ADGRB3: variants seen among roughly 807,000 people sequenced by gnomAD.
The protein encoded by ADGRB3 is adhesion G protein-coupled receptor B3.
In ADGRB3, 37 loss-of-function variants were observed where a neutral mutation model predicts 193.4. That is an observed-to-expected ratio of 0.19 (90% CI 0.15 to 0.25). The LOEUF (loss-of-function observed/expected upper bound fraction) is 0.25, where lower values mean the gene tolerates loss of function less well. ADGRB3 is among the 10% of genes least tolerant of loss of function. ADGRB3 has a pLI of 1.00. For missense variants in ADGRB3, 1,637 were observed against 1,852.9 expected (o/e 0.88, Z 2.14); for synonymous variants, 690 against 644.2 (o/e 1.07, Z -1.08).
At chr6:68,855,135 T>C (rs1764942385) in intron 3 of ADGRB3, among the ~76,000 whole-genome samples, 1 of 152,216 alleles carries the variant, frequency 6.6e-6, no homozygotes, top group African/African-American at 2.4e-5. Context: ...ATTGTCCCTT[T>C]ATGAAAATCA....
intron 3 of ADGRB3, among the ~76,000 whole-genome samples, chr6:68,772,894 A>AAATATATATAT (rs1466813173): frequency 1.7e-4 from 4 of 22,868 alleles, no homozygotes; most frequent in African/African-American, 3.9e-4. Flanking sequence ...AAAAAAAAAA[A>AAATATATATAT]ATATATATAT....
Position 69,361,079 on chromosome 6 carries a change from G to A in ADGRB3, c.3806G>A (p.Cys1269Tyr), listed in dbSNP as rs1476516711. ...PMSMNELSNP[C>Y]LKKENSELRR... ...AGTATGAATGAGCTTAGCAATCCAT[G>A]TTTGAAAAAAGAAAATAGTGAATTG... The change falls in exon 29 of 32, where the codon TGT becomes TAT. Residue 1269 changes from cysteine (C) to tyrosine (Y), a missense_variant. By Grantham distance (194) the Cys-to-Tyr change is radical. Around this residue, in one of 7 missense-constraint regions of ADGRB3, gnomAD observed 368 missense variants for 367.4 expected, o/e 1.00. Transcript: ENST00000370598. 1 of 1,612,744 alleles carries A rather than the reference G, an allele frequency of 6.2e-7. No individual in the cohort carries two copies.
intron 17 of ADGRB3, among the ~76,000 whole-genome samples, chr6:69,182,515 T>C (rs1775614019): frequency 6.6e-6 from 1 of 152,094 alleles, no homozygotes; most frequent in Admixed American, 6.5e-5. Flanking sequence ...TGAGTTGTCA[T>C]TCAGTGATGG....
At chr6:69,192,348 T>A (rs1247129776) in intron 17 of ADGRB3, among the ~76,000 whole-genome samples, 1 of 152,170 alleles carries the variant, frequency 6.6e-6, no homozygotes, top group African/African-American at 2.4e-5. Context: ...TAAACCAGTC[T>A]AGTCTTTCCC....
intron 17 of ADGRB3, among the ~76,000 whole-genome samples, chr6:69,097,976 G>A (rs1347272159): frequency 1.3e-5 from 2 of 152,056 alleles, no homozygotes; most frequent in Non-Finnish European, 2.9e-5. Context: ...TTACACAAGT[G>A]GATTTAGATA....
At chr6:68,840,872 T>G (rs492229) in intron 3 of ADGRB3, among the ~76,000 whole-genome samples, 32,024 of 152,076 alleles carry the variant, frequency 0.21, 3,953 homozygotes, top group East Asian at 0.58. Context: ...ACTACACCTG[T>G]AATTAAACAC....
chr6:69,169,912 T>A (rs1158407380), intron 17 of ADGRB3, among the ~76,000 whole-genome samples: 1 of 151,460 alleles, frequency 6.6e-6, no homozygotes, highest in Non-Finnish European at 1.5e-5. Flanking sequence ...TCCTTGGCTA[T>A]CTAAGTGCAG....
At chr6:68,954,898 GTCTCGA>G (rs1397574939) in intron 6 of ADGRB3, among the ~76,000 whole-genome samples, 1 of 151,946 alleles carries the variant, frequency 6.6e-6, no homozygotes. Flanking sequence ...AGCCAGAATG[GTCTCGA>G]TCTCCTGACC....
At chr6:69,355,005 TA>T (rs1769309173) in intron 27 of ADGRB3, among the ~76,000 whole-genome samples, 1 of 152,200 alleles carries the variant, frequency 6.6e-6, no homozygotes. Context: ...AATTTATTAT[TA>T]ACTTTTTTGA....
intron 13 of ADGRB3, among the ~76,000 whole-genome samples, chr6:69,028,338 T>C (rs1173403785): frequency 2.0e-5 from 3 of 152,190 alleles, no homozygotes; most frequent in Non-Finnish European, 4.4e-5. Flanking sequence ...TCGGTTTTTT[T>C]GTTTGTTTGT....
At chr6:68,976,610 C>G (rs1269270762) in intron 10 of ADGRB3, among the ~76,000 whole-genome samples, 2 of 151,950 alleles carry the variant, frequency 1.3e-5, no homozygotes, top group Admixed American at 6.6e-5. Context: ...ATATTTTGTA[C>G]TGTATTTTTA....
chr6:68,976,491 T>C (rs1768753069), intron 10 of ADGRB3, among the ~76,000 whole-genome samples: 1 of 152,178 alleles, frequency 6.6e-6, no homozygotes, highest in South Asian at 2.1e-4. Context: ...CGAAAATCCA[T>C]ATGTAACTTT....
intron 3 of ADGRB3, among the ~76,000 whole-genome samples, chr6:68,875,744 A>G (rs1765578933): frequency 6.6e-6 from 1 of 152,148 alleles, no homozygotes. Flanking sequence ...AAAAAATAAA[A>G]ACAAATGACC....
chr6:69,277,500 C>A lies in ADGRB3; in HGVS notation c.2814+38274C>A, dbSNP rs113479051. On this transcript the variant is annotated intron_variant, in intron 20 of 31. Coordinates refer to ENST00000370598, the MANE Select transcript of ADGRB3 (RefSeq NM_001704.3). ...ATAAAGTCACCAGGGAGTTGGCACA[C>A]CCTAAGGAGATCCCATCGATTTGTA... is the stretch of plus-strand genomic sequence containing the variant. 1.9e-3 allele frequency among the ~76,000 whole-genome samples: 283 copies of A among 152,188 alleles called. 2 individuals are homozygous for A. The highest frequency in any genetic ancestry group is 6.4e-3 in the African/African-American group (265 of 41,542).
intron 3 of ADGRB3, among the ~76,000 whole-genome samples, chr6:68,888,586 T>G (rs1297851257): frequency 7.0e-6 from 1 of 142,100 alleles, no homozygotes; most frequent in Non-Finnish European, 1.6e-5. Flanking sequence ...TAAAAAAAAC[T>G]CCTGCCCTCC....
chr6:68,651,401 T>C (rs965012128), intron 3 of ADGRB3, among the ~76,000 whole-genome samples: 4 of 152,182 alleles, frequency 2.6e-5, no homozygotes, highest in African/African-American at 7.2e-5. Context: ...TAAAAACATA[T>C]GAGTTCTTTC....
Position 69,306,689 on chromosome 6 carries a change from A to G in ADGRB3, c.2815-18183A>G, listed in dbSNP as rs190053600. On this transcript the variant is annotated intron_variant, in intron 20 of 31. Transcript: ENST00000370598. ...AATTCTGAGATTACAATGAACAGTG[A>G]CCACAATAATGGCAAATGGAAAGTC... Among the ~76,000 whole-genome samples, 208 of 151,682 alleles carry G rather than the reference A, an allele frequency of 1.4e-3. 1 individual carries two copies. The highest frequency in any genetic ancestry group is 1.5e-3 in the Non-Finnish European group (104 of 67,854).
chr6:68,759,449 C>T (rs1766353609), intron 3 of ADGRB3, among the ~76,000 whole-genome samples: 1 of 152,066 alleles, frequency 6.6e-6, no homozygotes, highest in Non-Finnish European at 1.5e-5. Context: ...ATGTGCTTCT[C>T]ACTAATTATA....
At chr6:68,677,346 ATTTT>A (rs1276295125) in intron 3 of ADGRB3, among the ~76,000 whole-genome samples, 5 of 152,078 alleles carry the variant, frequency 3.3e-5, no homozygotes, top group Non-Finnish European at 7.4e-5. Context: ...CTTAAGAGTT[ATTTT>A]AAGTTGTTTA....
Sources: gnomAD v4.1 joint callset for allele counts (sites outside exome capture counted in the v4.1 genomes callset) on GRCh38, gnomAD v4.1.1 for gene constraint, gnomAD v4.1.1 regional missense constraint, MANE v1.5 for transcripts, NCBI Gene and HGNC (gene_info 2026-07-23, HGNC 2026-07-21) for gene names.